Variants in KCNK9 observed in about 807,000 individuals in gnomAD.
The protein encoded by KCNK9 is potassium channel subfamily K member 9.
Under a neutral mutation model 10.8 loss-of-function variants are expected in KCNK9, and 1 was observed. The observed-to-expected ratio is 0.09, with a 90% CI of 0.03 to 0.44. KCNK9 has a LOEUF of 0.44. KCNK9 is among the 20% of genes least tolerant of loss of function. KCNK9 has a pLI of 0.97. For missense variants in KCNK9, 303 were observed against 515.0 expected (o/e 0.59, Z 3.98); for synonymous variants, 231 against 222.7 (o/e 1.04, Z -0.33).
chr8:139,684,445 G>A (rs770149249), intron 1 of KCNK9, among the ~76,000 whole-genome samples: 8 of 151,940 alleles, frequency 5.3e-5, no homozygotes, highest in Non-Finnish European at 1.0e-4. Context: ...TATGTCTTTT[G>A]TTATAAGGCA....
At chr8:139,655,387 C>T (rs1452640393) in intron 1 of KCNK9, among the ~76,000 whole-genome samples, 1 of 152,142 alleles carries the variant, frequency 6.6e-6, no homozygotes, top group East Asian at 1.9e-4. Context: ...TTCTCGCCAC[C>T]CAGACATGCT....
chr8:139,643,832 A>G (rs754379921), intron 1 of KCNK9, among the ~76,000 whole-genome samples: 8 of 152,182 alleles, frequency 5.3e-5, no homozygotes, highest in Non-Finnish European at 1.2e-4. Flanking sequence ...CGCCACCTTC[A>G]GGTAGGCCCG....
At chr8:139,698,172 C>T (rs1208042055) in intron 1 of KCNK9, among the ~76,000 whole-genome samples, 2 of 152,218 alleles carry the variant, frequency 1.3e-5, no homozygotes, top group Non-Finnish European at 2.9e-5. Flanking sequence ...GTTCAAGGCC[C>T]TCTGCCTTGG....
In KCNK9 at chr8:139,618,100, G is replaced by T; in HGVS notation, c.*158C>A. 9.7e-7 allele frequency: 1 copy of T among 1,029,428 alleles called. No individual in the cohort carries two copies. Among genetic ancestry groups the T allele is most frequent in the South Asian group, 1.6e-5 (1 of 63,902 alleles). The allele number at this position is 1,029,428 out of a possible 1,614,324, so 63.8% of individuals were successfully genotyped here. The stretch of plus-strand genomic sequence containing the variant: ...CCTGCTCTGTCTGGCTGGAAAGGTG[G>T]GGGAAAATGAGACCAAGAGACCAAG... On this transcript the variant is annotated 3_prime_UTR_variant, in exon 2 of 2. Coordinates refer to ENST00000520439, the MANE Select transcript of KCNK9 (RefSeq NM_001282534.2). The surrounding 1 kb of genome is among the most constrained non-coding windows in gnomAD (Gnocchi z 7.9).
At chr8:139,647,591 G>A (rs561916758) in intron 1 of KCNK9, among the ~76,000 whole-genome samples, 1 of 152,298 alleles carries the variant, frequency 6.6e-6, no homozygotes, top group East Asian at 1.9e-4. Context: ...ACACCTACCT[G>A]CATGCTGGCC....
chr8:139,701,181 T>A (rs1817210285), intron 1 of KCNK9, among the ~76,000 whole-genome samples: 1 of 152,132 alleles, frequency 6.6e-6, no homozygotes, highest in Non-Finnish European at 1.5e-5. Context: ...ACTGGCCCTC[T>A]CAGAAGCTGG....
intron 1 of KCNK9, among the ~76,000 whole-genome samples, chr8:139,656,165 A>G (rs913869367): frequency 1.3e-5 from 2 of 152,098 alleles, no homozygotes; most frequent in East Asian, 3.9e-4. Context: ...GGTGCAGGTA[A>G]ATATACCCCA....
At chr8:139,662,697 C>T (rs919701718) in intron 1 of KCNK9, among the ~76,000 whole-genome samples, 3 of 152,034 alleles carry the variant, frequency 2.0e-5, no homozygotes, top group South Asian at 2.1e-4. Context: ...GCAGCCACAG[C>T]CATTTTCAAC....
chr8:139,648,580 G>C (rs1178230015), intron 1 of KCNK9, among the ~76,000 whole-genome samples: 1 of 152,182 alleles, frequency 6.6e-6, no homozygotes, highest in African/African-American at 2.4e-5. Context: ...GAACTCGCCG[G>C]TCCCTGACTA....
At chr8:139,615,941 T>C (rs1814576200), downstream of KCNK9, 1 of 152,144 alleles carries the variant, frequency 6.6e-6, no homozygotes, top group Non-Finnish European at 1.5e-5. Context: ...GCCTGCTGCA[T>C]GCCCCCAGTG....
chr8:139,626,217 T>C (rs371625949), intron 1 of KCNK9, among the ~76,000 whole-genome samples: 30 of 152,300 alleles, frequency 2.0e-4, no homozygotes, highest in African/African-American at 7.0e-4. Context: ...ATGTCCCCCC[T>C]GGCAATCTAG....
At chr8:139,651,592 T>G in intron 1 of KCNK9, among the ~76,000 whole-genome samples, 1 of 152,010 alleles carries the variant, frequency 6.6e-6, no homozygotes, top group Non-Finnish European at 1.5e-5. Context: ...TGGGGTGGGG[T>G]GAGACTGGTG....
At chr8:139,695,032 C>A (rs1244914177) in intron 1 of KCNK9, among the ~76,000 whole-genome samples, 2 of 152,238 alleles carry the variant, frequency 1.3e-5, no homozygotes, top group Non-Finnish European at 2.9e-5. Context: ...CCTGAATTTT[C>A]TCATCTTCCC....
exon 3 of KCNK9, chr8:139,601,425 G>A (rs1259756817): frequency 6.6e-6 from 1 of 152,184 alleles, no homozygotes; most frequent in Non-Finnish European, 1.5e-5. Context: ...ACAGCCACCA[G>A]CTCTAGACAC....
chr8:139,654,695 A>G (rs1815970099), intron 1 of KCNK9, among the ~76,000 whole-genome samples: 1 of 152,208 alleles, frequency 6.6e-6, no homozygotes, highest in Admixed American at 6.5e-5. Flanking sequence ...ATACTGTAAG[A>G]TCCACGAAGA....
intron 1 of KCNK9, among the ~76,000 whole-genome samples, chr8:139,622,304 A>G (rs1300218388): frequency 6.6e-6 from 1 of 151,906 alleles, no homozygotes; most frequent in Non-Finnish European, 1.5e-5. Context: ...AAGTTTCGGG[A>G]CTCCCAAGGC....
intron 1 of KCNK9, among the ~76,000 whole-genome samples, chr8:139,686,952 A>T (rs1816802626): frequency 6.6e-6 from 1 of 152,246 alleles, no homozygotes; most frequent in South Asian, 2.1e-4. Context: ...TAAAAAGAGA[A>T]AGCCTAGTAA....
At chr8:139,649,054 ATAT>A (rs1815775832) in intron 1 of KCNK9, among the ~76,000 whole-genome samples, 1 of 152,184 alleles carries the variant, frequency 6.6e-6, no homozygotes, top group Non-Finnish European at 1.5e-5. Flanking sequence ...TGCAGAGCTA[ATAT>A]TTATCCTCCG....
At chr8:139,612,631 C>T (rs1485609220), downstream of KCNK9, 1 of 152,206 alleles carries the variant, frequency 6.6e-6, no homozygotes. Context: ...GGCAGTGAGA[C>T]CCAGCATCCA....
Sources: gnomAD v4.1 joint callset for allele counts (sites outside exome capture counted in the v4.1 genomes callset) on GRCh38, gnomAD v4.1.1 for gene constraint, Gnocchi (gnomAD v3.1) non-coding constraint, MANE v1.5 for transcripts, NCBI Gene and HGNC (gene_info 2026-07-23, HGNC 2026-07-21) for gene names.